The following RBFOX1 variants were observed in gnomAD, a reference collection of about 807,000 sequenced individuals.
RBFOX1 encodes the protein RNA binding protein fox-1 homolog 1.
A neutral mutation model predicts 57.7 loss-of-function variants in RBFOX1; 8 were observed. The observed-to-expected ratio is 0.14, with a 90% CI of 0.08 to 0.25. The LOEUF (loss-of-function observed/expected upper bound fraction) is 0.25. RBFOX1 is among the 10% of genes least tolerant of loss of function. RBFOX1 has a pLI of 1.00. For missense variants in RBFOX1, 611 were observed against 548.5 expected, an observed-to-expected ratio of 1.11 and a Z score of -1.14; for synonymous variants, 326 against 222.4, an observed-to-expected ratio of 1.47 and a Z score of -4.15.
chr16:6,980,322 A>G (rs2088391013), intron 3 of RBFOX1, among the ~76,000 whole-genome samples: 2 of 152,154 alleles, frequency 1.3e-5, no homozygotes, highest in South Asian at 2.1e-4. Context: ...AATATTACCT[A>G]TTCGTTTTTT....
rs151171898 is a variant in RBFOX1, at chr16:5,963,721, T to G, written c.351+96386T>G. Among the ~76,000 whole-genome samples the G allele has an allele frequency of 1.9e-3, 286 of 152,250 alleles. 1 individual carries two copies. Among genetic ancestry groups the G allele is most frequent in the Non-Finnish European group, 3.6e-3 (248 of 68,012 alleles). ...GATATCCAGAGGCAGAAGAGTGAAA[T>G]TAGATCCTTATCTTATACTATACAT... On this transcript the variant is annotated intron_variant, in intron 4 of 19. Transcript: ENST00000641259.
At chr16:6,158,778 T>C (rs1013782759) in intron 1 of RBFOX1, among the ~76,000 whole-genome samples, 1 of 152,204 alleles carries the variant, frequency 6.6e-6, no homozygotes, top group South Asian at 2.1e-4. Flanking sequence ...TACAATTATA[T>C]TGCTCTGGGA....
intron 2 of RBFOX1, among the ~76,000 whole-genome samples, chr16:6,374,668 A>G (rs974735849): frequency 2.0e-5 from 3 of 152,220 alleles, no homozygotes; most frequent in Non-Finnish European, 4.4e-5. Flanking sequence ...GCTCTTGTGC[A>G]AGGCGACCAA....
chr16:7,703,962 C>A (rs1309022826), intron 14 of RBFOX1, among the ~76,000 whole-genome samples: 1 of 152,192 alleles, frequency 6.6e-6, no homozygotes, highest in South Asian at 2.1e-4. Context: ...TTGTGAAATA[C>A]AATCTAAGAA....
chr16:7,374,543 C>T (rs1335352989), intron 4 of RBFOX1, among the ~76,000 whole-genome samples: 1 of 152,126 alleles, frequency 6.6e-6, no homozygotes, highest in South Asian at 2.1e-4. Flanking sequence ...ATCTACCTGG[C>T]TCTTAGCAAT....
intron 3 of RBFOX1, among the ~76,000 whole-genome samples, chr16:7,015,241 G>A (rs76415221): frequency 0.027 from 4,051 of 152,168 alleles, 129 homozygotes; most frequent in African/African-American, 0.069. Flanking sequence ...CATTATAGGC[G>A]CTGAGGCTAT....
At chr16:5,982,843 C>T (rs566948305) in intron 4 of RBFOX1, among the ~76,000 whole-genome samples, 46 of 152,334 alleles carry the variant, frequency 3.0e-4, no homozygotes, top group African/African-American at 1.1e-3. Flanking sequence ...TTGCTGTGTT[C>T]ACTATTATAT....
chr16:6,424,307 A>T (rs1209343882), intron 2 of RBFOX1, among the ~76,000 whole-genome samples: 1 of 152,212 alleles, frequency 6.6e-6, no homozygotes, highest in Non-Finnish European at 1.5e-5. Context: ...TTAAGGAGGC[A>T]GTCTAAGCTG....
chr16:6,605,404 A>T (rs934013271), intron 2 of RBFOX1, among the ~76,000 whole-genome samples: 2 of 152,182 alleles, frequency 1.3e-5, no homozygotes, highest in African/African-American at 4.8e-5. Flanking sequence ...TTGATTTATG[A>T]TATTATCAAG....
intron 1 of RBFOX1, among the ~76,000 whole-genome samples, chr16:6,279,444 C>T (rs1014592098): frequency 6.6e-6 from 1 of 152,198 alleles, no homozygotes. Flanking sequence ...ACAGCTTCCT[C>T]TGCAGAAGAG....
chr16:7,431,314 G>C (rs1182519048), intron 4 of RBFOX1: 2 of 152,298 alleles, frequency 1.3e-5, no homozygotes, highest in East Asian at 1.9e-4. Flanking sequence ...GCAGCCTCAA[G>C]CTTGTGGGCT....
At position 7,701,930 on chromosome 16, in the gene RBFOX1, C is replaced by T. The variant is rs550271597; in HGVS notation, c.996-7126C>T. On this transcript the variant is annotated intron_variant, in intron 14 of 15. Coordinates refer to ENST00000550418, the MANE Select transcript of RBFOX1 (RefSeq NM_018723.4). The stretch of plus-strand genomic sequence containing the variant: ...GAGGGTTTCTCCCTGTTGCAGCAAA[C>T]CAGGGTGCATGGCCTGAGGTTCTGG... 9.9e-5 allele frequency among the ~76,000 whole-genome samples: 15 copies of T among 152,282 alleles called. No individual in the cohort carries two copies. The South Asian group carries it at 3.1e-3, about 32-fold the overall frequency.
At chr16:7,360,230 A>T (rs1212939479) in intron 4 of RBFOX1, among the ~76,000 whole-genome samples, 1 of 152,184 alleles carries the variant, frequency 6.6e-6, no homozygotes, top group Non-Finnish European at 1.5e-5. Context: ...TACATTTAAT[A>T]AACCTAGAAA....
intron 4 of RBFOX1, among the ~76,000 whole-genome samples, chr16:7,187,124 G>A (rs1036120067): frequency 1.1e-4 from 17 of 151,852 alleles, no homozygotes; most frequent in African/African-American, 3.9e-4. Context: ...AGCCATGATG[G>A]TGCCACTGCA....
chr16:6,296,056 G>T (rs573940299), intron 1 of RBFOX1, among the ~76,000 whole-genome samples: 1 of 152,296 alleles, frequency 6.6e-6, no homozygotes, highest in East Asian at 1.9e-4. Context: ...CTGAGCCCAG[G>T]ATCTTCATCC....
intron 3 of RBFOX1, among the ~76,000 whole-genome samples, chr16:6,857,072 C>G (rs927307021): frequency 1.3e-5 from 2 of 152,072 alleles, no homozygotes; most frequent in South Asian, 4.2e-4. Context: ...GGCTGGTTGT[C>G]TTTCTTATTT....
At chr16:6,658,558 C>G (rs902665275) in intron 3 of RBFOX1, among the ~76,000 whole-genome samples, 1 of 152,152 alleles carries the variant, frequency 6.6e-6, no homozygotes, top group African/African-American at 2.4e-5. Context: ...TTTATCTGCG[C>G]ACAGTCTGGG....
At chr16:7,245,576 A>T (rs1362927829) in intron 4 of RBFOX1, among the ~76,000 whole-genome samples, 2 of 152,226 alleles carry the variant, frequency 1.3e-5, no homozygotes, top group African/African-American at 2.4e-5. Flanking sequence ...TAAAATTTTA[A>T]ATCTGATTTT....
chr16:6,511,920 A>G (rs2096263115), intron 2 of RBFOX1, among the ~76,000 whole-genome samples: 1 of 152,056 alleles, frequency 6.6e-6, no homozygotes, highest in South Asian at 2.1e-4. Flanking sequence ...CATAAAGTTC[A>G]GATTATGTCA....
Sources: allele counts gnomAD v4.1 joint callset (sites outside exome capture counted in the v4.1 genomes callset), GRCh38; gene constraint gnomAD v4.1.1; transcripts MANE v1.5; gene names NCBI Gene and HGNC (gene_info 2026-07-23, HGNC 2026-07-21).